The following PPP1R36 variants were observed in gnomAD, a reference collection of about 807,000 sequenced individuals.
PPP1R36 encodes the protein protein phosphatase 1 regulatory subunit 36.
A neutral mutation model predicts 53.4 loss-of-function variants in PPP1R36; 47 were observed. That is an observed-to-expected ratio of 0.88 (90% confidence interval 0.70 to 1.12). PPP1R36 has a LOEUF of 1.12. Among genes scored for constraint, PPP1R36 ranks in the 50% most tolerant of loss-of-function variants. The probability of loss-of-function intolerance (pLI) is 0.00; values close to 1 mark genes in which losing one functional copy is unlikely to be tolerated. For synonymous variants in PPP1R36, 153 were observed against 170.5 expected (o/e 0.90, Z 0.80); for missense variants, 456 against 513.9 (o/e 0.89, Z 1.09).
chr14:64,588,508 G>T, intron 11 of PPP1R36: 1 of 425,246 alleles, frequency 2.4e-6, no homozygotes, highest in Non-Finnish European at 4.1e-6. Context: ...TTGCTAGAAA[G>T]TGGTGCTAGA....
At chr14:64,552,791 G>A (rs764209185) in intron 2 of PPP1R36, 23 bp from the exon 3 acceptor site, 6 of 1,609,588 alleles carry the variant, frequency 3.7e-6, no homozygotes, top group Non-Finnish European at 5.1e-6. Flanking sequence ...CTTCAAAGCA[G>A]TAATTTCAGT....
At chr14:64,569,416 A>G (rs1353866396) in intron 7 of PPP1R36, among the ~76,000 whole-genome samples, 1 of 152,256 alleles carries the variant, frequency 6.6e-6, no homozygotes, top group Non-Finnish European at 1.5e-5. Flanking sequence ...GATAGAATAA[A>G]TGTATCTGGA....
At chr14:64,570,102 T>C (rs2080291318) in intron 7 of PPP1R36, among the ~76,000 whole-genome samples, 1 of 152,166 alleles carries the variant, frequency 6.6e-6, no homozygotes, top group South Asian at 2.1e-4. Flanking sequence ...GCACTAAACA[T>C]ACTAGAACAC....
chr14:64,562,462 A>C (rs1205187203), intron 3 of PPP1R36, among the ~76,000 whole-genome samples: 1 of 152,150 alleles, frequency 6.6e-6, no homozygotes, highest in Non-Finnish European at 1.5e-5. Flanking sequence ...TCTCAAAAAA[A>C]AAAATTTCAG....
intron 3 of PPP1R36, among the ~76,000 whole-genome samples, chr14:64,554,566 C>T (rs775053307): frequency 6.6e-6 from 1 of 152,118 alleles, no homozygotes; most frequent in Non-Finnish European, 1.5e-5. Context: ...CTTTTTCTGT[C>T]AGAGACAGTG....
intron 8 of PPP1R36, 69 bp from the exon 9 acceptor site, chr14:64,586,759 TTAGAGAAAG>T: frequency 2.0e-6 from 2 of 977,984 alleles, no homozygotes; most frequent in South Asian, 1.5e-5. Context: ...GACCCTAACT[TTAGAGAAAG>T]ATAAGGACTA....
chr14:64,583,075 A>ATTTT (rs34144614), intron 8 of PPP1R36, among the ~76,000 whole-genome samples: 133 of 133,138 alleles, frequency 1.0e-3, no homozygotes, highest in Non-Finnish European at 1.3e-3. Context: ...ATATATATAT[A>ATTTT]TTTTTTTTTT....
intron 8 of PPP1R36, among the ~76,000 whole-genome samples, chr14:64,579,048 C>A (rs543576330): frequency 6.6e-6 from 1 of 152,024 alleles, no homozygotes; most frequent in Non-Finnish European, 1.5e-5. Context: ...ATTTATAAGT[C>A]GGAGCTAAAT....
chr14:64,558,201 G>A (rs544554511), intron 3 of PPP1R36, among the ~76,000 whole-genome samples: 1 of 152,168 alleles, frequency 6.6e-6, no homozygotes, highest in Non-Finnish European at 1.5e-5. Flanking sequence ...TAGGTGAGAA[G>A]CAGCTTCAGG....
At position 64,570,952 on chromosome 14, in the gene PPP1R36, G is replaced by C. The variant is rs542240433; in HGVS notation, c.533+2505G>C. Among the ~76,000 whole-genome samples, 5 of 152,316 alleles carry C rather than the reference G, an allele frequency of 3.3e-5. No homozygotes were observed. In the South Asian group the frequency reaches 1.0e-3, roughly 32 times the overall value. Reference sequence around the variant, plus strand: ...TAGGAGATGACATTACAGTTCCTAGGTGGAACTGATATTAGAACCCAGGTC... The same window carrying C: ...TAGGAGATGACATTACAGTTCCTAGCTGGAACTGATATTAGAACCCAGGTC... On this transcript the variant is annotated intron_variant, in intron 7 of 11. Transcript: ENST00000298705.
intron 8 of PPP1R36, among the ~76,000 whole-genome samples, chr14:64,583,728 C>T (rs933475672): frequency 4.2e-5 from 6 of 142,740 alleles, no homozygotes; most frequent in Admixed American, 3.7e-4. Flanking sequence ...GCAGGAGAAT[C>T]GTTTGAACCC....
chr14:64,568,346 T>G lies in PPP1R36; in HGVS notation c.435-3T>G. 7.4e-7 allele frequency: 1 copy of G among 1,360,314 alleles called. No individual in the cohort carries two copies. Among genetic ancestry groups the G allele is most frequent in the Non-Finnish European group, 1.0e-6 (1 of 981,324 alleles). The allele number at this position is 1,360,314 out of a possible 1,614,324, so 84.3% of individuals were successfully genotyped here. A position where few individuals can be genotyped will look rare whatever the true frequency, so the allele number is the denominator to read the frequency against. On this transcript the variant is annotated splice_region_variant and splice_polypyrimidine_tract_variant and intron_variant, in intron 6 of 11. Transcript: ENST00000298705. ...TTTTTTGTTGTTTCAAATCTCCCCA[T>G]AGGAATAAGAATCTTGATAATTTCC...
In PPP1R36 at chr14:64,568,460, T is replaced by C; in HGVS notation, c.533+13T>C. ...AAAGCTATATGGTGTAAGTAAGATT[T>C]TATAGTGTGCTTTAGAGTTTTATCA... On this transcript the variant is annotated intron_variant, in intron 7 of 11. Coordinates refer to ENST00000298705, the MANE Select transcript of PPP1R36 (RefSeq NM_172365.3). 1 of 1,280,228 alleles carries C rather than the reference T, an allele frequency of 7.8e-7. No individual in the cohort carries two copies. Among genetic ancestry groups the C allele is most frequent in the Non-Finnish European group, 1.1e-6 (1 of 913,472 alleles). The allele number at this position is 1,280,228 out of a possible 1,614,324, so 79.3% of individuals were successfully genotyped here. A position where few individuals can be genotyped will look rare whatever the true frequency, so the allele number is the denominator to read the frequency against.
intron 5 of PPP1R36, 44 bp from the exon 6 acceptor site, chr14:64,565,582 G>GTAGC: frequency 6.5e-7 from 1 of 1,546,502 alleles, no homozygotes; most frequent in Non-Finnish European, 8.9e-7. Flanking sequence ...ACTCTCTAAG[G>GTAGC]TAGCTCTTTG....
At chr14:64,556,644 T>C (rs1008771412) in intron 3 of PPP1R36, among the ~76,000 whole-genome samples, 2 of 146,098 alleles carry the variant, frequency 1.4e-5, no homozygotes, top group Non-Finnish European at 3.0e-5. Flanking sequence ...CCTGGTGGTA[T>C]GCGCCTGTAG....
intron 7 of PPP1R36, among the ~76,000 whole-genome samples, chr14:64,570,796 C>T (rs1018552970): frequency 3.7e-4 from 56 of 152,274 alleles, no homozygotes; most frequent in Middle Eastern, 3.4e-3. Context: ...TGGATGGCAA[C>T]GGTACACTTA....
At chr14:64,578,187 C>G (rs1398944225) in intron 8 of PPP1R36, among the ~76,000 whole-genome samples, 2 of 151,616 alleles carry the variant, frequency 1.3e-5, no homozygotes, top group East Asian at 3.9e-4. Flanking sequence ...TTCCTGACCT[C>G]AGGTGATCCA....
intron 3 of PPP1R36, among the ~76,000 whole-genome samples, chr14:64,564,269 AC>A (rs754593560): frequency 1.3e-5 from 2 of 152,096 alleles, no homozygotes; most frequent in Non-Finnish European, 2.9e-5. Context: ...GTGGCTAAAA[AC>A]CTGGGCACCG....
At chr14:64,550,223 GAA>G (rs1555350770) in intron 1 of PPP1R36, 157 bp downstream of exon 1, 25 of 1,191,434 alleles carry the variant, frequency 2.1e-5, no homozygotes, top group South Asian at 4.0e-5. Flanking sequence ...TATTTGCCTA[GAA>G]AAAAAAAAAA....
Sources: gnomAD v4.1 joint callset for allele counts (sites outside exome capture counted in the v4.1 genomes callset) on GRCh38, gnomAD v4.1.1 for gene constraint, MANE v1.5 for transcripts, NCBI Gene and HGNC (gene_info 2026-07-23, HGNC 2026-07-21) for gene names.